Variants in TLE3 observed in about 807,000 individuals in gnomAD.
TLE3 encodes the protein TLE family member 3, transcriptional corepressor.
A neutral mutation model predicts 93.0 loss-of-function variants in TLE3; 14 were observed. The observed-to-expected ratio is 0.15, with a 90% CI of 0.10 to 0.24. TLE3 has a LOEUF of 0.24. Ranked by LOEUF, TLE3 falls within the 10% of genes least tolerant of loss-of-function variation. The pLI, the probability that TLE3 is intolerant of heterozygous loss-of-function variation, is 1.00. For missense variants in TLE3, 693 were observed against 1,046.6 expected (o/e 0.66, Z 4.66); for synonymous variants, 451 against 425.0 (o/e 1.06, Z -0.75).
chr15:70,087,613 C>A (rs1476611945), intron 4 of TLE3, among the ~76,000 whole-genome samples: 1 of 152,230 alleles, frequency 6.6e-6, no homozygotes, highest in Non-Finnish European at 1.5e-5. Context: ...ACGAGCCAAG[C>A]CCATCCATGC....
chr15:70,051,581 A>G (rs1050169081), intron 18 of TLE3, 114 bp from the exon 19 acceptor site: 16 of 773,472 alleles, frequency 2.1e-5, no homozygotes, highest in African/African-American at 3.6e-5. Context: ...GCTAACTAGT[A>G]TAACTCTCCA....
At chr15:70,069,296 G>C (rs544746574) in intron 6 of TLE3, among the ~76,000 whole-genome samples, 1 of 152,296 alleles carries the variant, frequency 6.6e-6, no homozygotes, top group South Asian at 2.1e-4. Context: ...ATTAGACGCA[G>C]CTAGAACAGT....
chr15:70,050,335 C>A, intron 19 of TLE3, 131 bp from the exon 20 acceptor site: 2 of 717,332 alleles, frequency 2.8e-6, no homozygotes, highest in Non-Finnish European at 5.0e-6. Flanking sequence ...CTGCCCCTCT[C>A]TGATGCTCCG....
intron 6 of TLE3, 130 bp downstream of exon 6, chr15:70,074,403 T>C (rs2057337736): frequency 3.4e-6 from 4 of 1,180,088 alleles, no homozygotes; most frequent in East Asian, 2.6e-5. Context: ...GGGGTGCTTG[T>C]AGAAGCCGGA....
At position 70,057,518 on chromosome 15, in the gene TLE3, C is replaced by A. The variant is rs369358633; in HGVS notation, c.1192G>T (p.Ala398Ser). 4.4e-6 allele frequency: 7 copies of A among 1,607,482 alleles called. No individual in the cohort carries two copies. Among genetic ancestry groups the A allele is most frequent in the Non-Finnish European group, 5.9e-6 (7 of 1,177,348 alleles). ...GCAGCGGCTGCAGCAGCGGCGGCGG[C>A]GCTCATCTGGGGTGGGATGTTGTGG... is the stretch of plus-strand genomic sequence containing the variant. ...GLHNIPPQMS[A>S]AAAAAAAAYG... Residue 398 changes from alanine to serine, a missense_variant, in exon 13 of 20, where the codon GCC (alanine) becomes TCC (serine). Around this residue, in one of 4 missense-constraint regions of TLE3, gnomAD observed 405 missense variants for 468.9 expected, o/e 0.86. Transcript: ENST00000451782.
At position 70,049,691 on chromosome 15, in the gene TLE3, A is replaced by ACC. The variant is rs10692075; in HGVS notation, c.*404_*405dup. 394 of 177,966 alleles carry ACC rather than the reference A, an allele frequency of 2.2e-3. 4 individuals are homozygous for ACC. The highest frequency in any genetic ancestry group is 9.0e-3 in the African/African-American group (378 of 42,226). 11.0% of individuals were successfully genotyped at this position (177,966 alleles called of 1,614,324 possible). On this transcript the variant is annotated 3_prime_UTR_variant, in exon 20 of 20. Coordinates refer to ENST00000451782, the MANE Select transcript of TLE3 (RefSeq NM_001105192.3). ...TGCACTGCACAATCGGCAAAGAGAG[A>ACC]CCCCCCCATCCCCCAGCACAACATT...
chr15:70,058,019 C>A lies in TLE3; in HGVS notation c.1051+140G>T. 1 of 1,356,756 alleles carries A rather than the reference C, an allele frequency of 7.4e-7. No homozygotes were observed. The highest frequency in any genetic ancestry group is 1.0e-6 in the Non-Finnish European group (1 of 1,001,188). The allele number at this position is 1,356,756 out of a possible 1,614,324, so 84.0% of individuals were successfully genotyped here. ...CCTGGTGTCACCTCCTCAAATCTGA[C>A]CGTGAAGTCCCCAGGGGCAGGCCCT... On this transcript the variant is annotated intron_variant, in intron 12 of 19. Coordinates refer to ENST00000451782, the MANE Select transcript of TLE3 (RefSeq NM_001105192.3). This position sits in a 1 kb window ranked among gnomAD's most constrained non-coding sequence, Gnocchi z 4.1.
chr15:70,084,705 G>T (rs528025515), intron 4 of TLE3, among the ~76,000 whole-genome samples: 13 of 150,984 alleles, frequency 8.6e-5, no homozygotes, highest in Middle Eastern at 3.4e-3. Context: ...CGTCAGTGCT[G>T]CTATCTGATG....
chr15:70,079,162 C>G (rs1443053367), intron 4 of TLE3, among the ~76,000 whole-genome samples: 1 of 151,982 alleles, frequency 6.6e-6, no homozygotes, highest in Non-Finnish European at 1.5e-5. Context: ...CCTCCACCCT[C>G]CTAAAGTAGT....
chr15:70,069,549 ATC>A (rs1427507583), intron 6 of TLE3, among the ~76,000 whole-genome samples: 1 of 152,234 alleles, frequency 6.6e-6, no homozygotes, highest in South Asian at 2.1e-4. Flanking sequence ...AGCGTTCCTC[ATC>A]TCTGAGTGCA....
intron 2 of TLE3, 165 bp downstream of exon 2, chr15:70,095,996 A>C: frequency 1.2e-6 from 1 of 852,536 alleles, no homozygotes; most frequent in South Asian, 1.8e-5. Flanking sequence ...CGGGCAGTAA[A>C]GGGTTAAGGC....
intron 9 of TLE3, 52 bp from the exon 10 acceptor site, chr15:70,059,512 C>T (rs372082243): frequency 1.3e-6 from 2 of 1,560,498 alleles, no homozygotes; most frequent in African/African-American, 2.7e-5. Context: ...ACTTTCCCCA[C>T]CCCTGACTGA....
rs2058633375 is a variant in TLE3 at position 70,097,810 on chromosome 15, ACAC to A, written c.-1015_-1013del. The A allele has an allele frequency of 4.1e-6, 1 of 241,448 alleles. No individual in the cohort carries two copies. The highest frequency in any genetic ancestry group is 6.5e-6 in the Non-Finnish European group (1 of 153,134). The allele number at this position is 241,448 out of a possible 1,614,324, so 15.0% of individuals were successfully genotyped here. A position where few individuals can be genotyped will look rare whatever the true frequency, so the allele number is the denominator to read the frequency against. On this transcript the variant is annotated 5_prime_UTR_variant, in exon 1 of 20. Transcript: ENST00000451782. ...CACACACGCGCGCACGCACACACACACACACCAAAAAAAAAAGTGCCCCGGACC... is the reference window on the plus strand; with the variant it reads ...CACACACGCGCGCACGCACACACACAACCAAAAAAAAAAGTGCCCCGGACC...
At position 70,053,038 on chromosome 15, in the gene TLE3, C is replaced by T. The variant is rs1226218439; in HGVS notation, c.1974+189G>A. The T allele has an allele frequency of 1.0e-5, 7 of 683,032 alleles. No individual in the cohort carries two copies. The Admixed American group carries it at 1.2e-4, about 12-fold the overall frequency. The allele number at this position is 683,032 out of a possible 1,614,324, so 42.3% of individuals were successfully genotyped here. A position where few individuals can be genotyped will look rare whatever the true frequency, so the allele number is the denominator to read the frequency against. On this transcript the variant is annotated intron_variant, in intron 17 of 19. Transcript: ENST00000451782. ...CACAGTTGGGCCAAATGTGTCCAAC[C>T]CCAAGGTCATCTCCATCTGTTTCAC...
In TLE3 at chr15:70,055,026, C is replaced by CCCCATCCTCCT. The variant is rs1566985109; in HGVS notation, c.1578+22_1578+23insAGGAGGATGGG. 3 of 1,579,094 alleles carry CCCCATCCTCCT rather than the reference C, an allele frequency of 1.9e-6. No homozygotes were observed. In the African/African-American group the frequency reaches 4.0e-5, roughly 21 times the overall value. ...ATCCTCCTACACCAGCTGGAGGCGG[C>CCCCATCCTCCT]GCAGCAGCCCTGGGATTCTCACCAG... On this transcript the variant is annotated intron_variant, in intron 15 of 19. Coordinates refer to ENST00000451782, the MANE Select transcript of TLE3 (RefSeq NM_001105192.3).
chr15:70,094,810 C>T, intron 3 of TLE3: 3 of 516,044 alleles, frequency 5.8e-6, no homozygotes, highest in African/African-American at 1.9e-5. Flanking sequence ...GGAGCTGGGC[C>T]TTCCCTCCCA....
At position 70,048,344 on chromosome 15, in the gene TLE3, T is replaced by A. The variant is rs1244373849; in HGVS notation, c.*1753A>T. On this transcript the variant is annotated 3_prime_UTR_variant, in exon 20 of 20. Transcript: ENST00000451782. ...CTTAACAAGAGGTGGCAGATGGACA[T>A]CTGAGACCCAGAGAGACTCTGGACG... 1 of 152,182 alleles carries A rather than the reference T, an allele frequency of 6.6e-6. No individual in the cohort carries two copies. The highest frequency in any genetic ancestry group is 1.9e-4 in the East Asian group (1 of 5,194). 9.4% of individuals were successfully genotyped at this position (152,182 alleles called of 1,614,324 possible). A position where few individuals can be genotyped will look rare whatever the true frequency, so the allele number is the denominator to read the frequency against.
At chr15:70,054,363 C>CA in intron 16 of TLE3, 75 bp downstream of exon 16, 2 of 1,554,088 alleles carry the variant, frequency 1.3e-6, no homozygotes, top group South Asian at 2.5e-5. Context: ...GCCAAGGTCA[C>CA]AGCAAACAAG....
chr15:70,052,250 A>G, intron 18 of TLE3, 124 bp downstream of exon 18: 1 of 1,256,386 alleles, frequency 8.0e-7, no homozygotes, highest in Middle Eastern at 2.9e-4. Context: ...CTCAGGGGTC[A>G]GGAGGCCTGG....
Sources: gnomAD v4.1 joint callset for allele counts (sites outside exome capture counted in the v4.1 genomes callset) on GRCh38, gnomAD v4.1.1 for gene constraint, gnomAD v4.1.1 regional missense constraint, Gnocchi (gnomAD v3.1) non-coding constraint, MANE v1.5 for transcripts, NCBI Gene and HGNC (gene_info 2026-07-23, HGNC 2026-07-21) for gene names.